ANO1: variants seen among roughly 807,000 people sequenced by gnomAD.
ANO1 encodes anoctamin 1.
A neutral mutation model predicts 124.0 loss-of-function variants in ANO1; 59 were observed. The ratio of observed to expected loss-of-function variants is 0.48; its 90% CI spans 0.39 to 0.59. The LOEUF (loss-of-function observed/expected upper bound fraction) is 0.59, where lower values mean the gene tolerates loss of function less well. Ranked by LOEUF, ANO1 falls within the 20% of genes least tolerant of loss-of-function variation. The pLI is 0.00. For missense variants in ANO1, 1,059 were observed against 1,328.0 expected (o/e 0.80, Z 3.15); for synonymous variants, 529 against 532.0 (o/e 0.99, Z 0.08).
At chr11:70,038,620 C>T (rs1454274197) in intron 1 of ANO1, among the ~76,000 whole-genome samples, 2 of 152,176 alleles carry the variant, frequency 1.3e-5, no homozygotes, top group Non-Finnish European at 2.9e-5. Flanking sequence ...GTCCTTGGTC[C>T]TCTCTTGTGG....
the ANO1 span, among the ~76,000 whole-genome samples, chr11:69,977,010 G>A: frequency 2.0e-5 from 3 of 152,248 alleles, no homozygotes; most frequent in Admixed American, 2.0e-4. Flanking sequence ...CTCGCAGTGA[G>A]TGATGAGGCC....
intron 2 of ANO1, among the ~76,000 whole-genome samples, chr11:70,090,108 G>A (rs914290467): frequency 1.3e-5 from 2 of 152,180 alleles, no homozygotes; most frequent in Non-Finnish European, 2.9e-5. Context: ...TGCAAGCTCC[G>A]CCTCCCGAGT....
intron 1 of ANO1, among the ~76,000 whole-genome samples, chr11:70,048,991 C>T (rs1174664134): frequency 3.9e-5 from 6 of 152,056 alleles, no homozygotes; most frequent in Non-Finnish European, 7.4e-5. Context: ...ATACGCTTCC[C>T]GGACAAGCAG....
chr11:70,075,012 G>C (rs925798412), upstream of ANO1: 1 of 152,258 alleles, frequency 6.6e-6, no homozygotes, highest in African/African-American at 2.4e-5. Context: ...TACAAAAGAG[G>C]AAATCTAGGC....
At chr11:69,996,129 T>TA (rs1856267428) in intron 1 of ANO1, among the ~76,000 whole-genome samples, 4 of 140,314 alleles carry the variant, frequency 2.9e-5, no homozygotes, top group African/African-American at 1.1e-4. Context: ...AACCAACCAA[T>TA]AAAAAATGAA....
At chr11:70,050,026 G>A (rs1247098604) in intron 1 of ANO1, among the ~76,000 whole-genome samples, 1 of 152,146 alleles carries the variant, frequency 6.6e-6, no homozygotes, top group African/African-American at 2.4e-5. Flanking sequence ...GCTGCTGTCT[G>A]TGTTTTAAGC....
intron 1 of ANO1, among the ~76,000 whole-genome samples, chr11:70,060,830 C>G (rs1555007650): frequency 6.6e-6 from 1 of 152,140 alleles, no homozygotes; most frequent in African/African-American, 2.4e-5. Context: ...CCTTGGATTT[C>G]AGCTGTGTGT....
At chr11:70,038,164 G>A (rs1857125406) in intron 1 of ANO1, among the ~76,000 whole-genome samples, 1 of 152,194 alleles carries the variant, frequency 6.6e-6, no homozygotes, top group Non-Finnish European at 1.5e-5. Context: ...TTCCAATGCA[G>A]CTGCTCTGAC....
At position 70,188,924 on chromosome 11, in the gene ANO1, AT is replaced by A. The variant is rs964729650; in HGVS notation, c.*928del. The A allele has an allele frequency of 6.6e-6, 1 of 151,094 alleles. No homozygotes were observed. The highest frequency in any genetic ancestry group is 1.5e-5 in the Non-Finnish European group (1 of 67,734). 9.4% of individuals were successfully genotyped at this position (151,094 alleles called of 1,614,324 possible). A position where few individuals can be genotyped will look rare whatever the true frequency, so the allele number is the denominator to read the frequency against. On this transcript the variant is annotated 3_prime_UTR_variant, in exon 26 of 26. Transcript: ENST00000355303. Reference sequence around the variant, plus strand: ...ATATCAATTATATGGTAGATTGAGGATTTTTTTTCTGTAGCTCAAAGGTGGA... The same window carrying A: ...ATATCAATTATATGGTAGATTGAGGATTTTTTTCTGTAGCTCAAAGGTGGA...
At chr11:70,112,704 T>C (rs1204615096) in intron 7 of ANO1, among the ~76,000 whole-genome samples, 1 of 152,084 alleles carries the variant, frequency 6.6e-6, no homozygotes, top group Admixed American at 6.6e-5. Context: ...ACTTCAGGCG[T>C]GCACCGCTAC....
intron 1 of ANO1, among the ~76,000 whole-genome samples, chr11:70,036,288 C>T (rs1029171974): frequency 6.6e-6 from 1 of 152,198 alleles, no homozygotes; most frequent in African/African-American, 2.4e-5. Context: ...TGGCCTTTTC[C>T]TCTTCTACCT....
At chr11:70,186,484 G>C (rs1401481226) in intron 25 of ANO1, among the ~76,000 whole-genome samples, 2 of 152,152 alleles carry the variant, frequency 1.3e-5, no homozygotes, top group Non-Finnish European at 2.9e-5. Flanking sequence ...GGACAGACAG[G>C]AGGGCAGTGG....
intron 1 of ANO1, among the ~76,000 whole-genome samples, chr11:70,035,369 A>G (rs1857077057): frequency 6.6e-6 from 1 of 151,582 alleles, no homozygotes; most frequent in Non-Finnish European, 1.5e-5. Context: ...CTTTTCACTT[A>G]TTATGACCCT....
At chr11:70,014,830 T>G (rs1591035155) in intron 1 of ANO1, 1 of 7,378 alleles carries the variant, frequency 1.4e-4, no homozygotes, top group Non-Finnish European at 2.6e-4. Context: ...TTTGTTTTTG[T>G]TTTTTTTTTT....
At chr11:70,010,429 G>A (rs1856581638) in intron 1 of ANO1, among the ~76,000 whole-genome samples, 1 of 151,478 alleles carries the variant, frequency 6.6e-6, no homozygotes, top group African/African-American at 2.4e-5. Flanking sequence ...CACCCCTAGG[G>A]AGGGCACAGA....
At chr11:70,177,050 AC>A (rs2048729968) in intron 22 of ANO1, among the ~76,000 whole-genome samples, 1 of 151,792 alleles carries the variant, frequency 6.6e-6, no homozygotes, top group Non-Finnish European at 1.5e-5. Flanking sequence ...AGCGAGGAAG[AC>A]CCCGCTCCCG....
chr11:70,161,090 G>A, intron 16 of ANO1, 71 bp from the exon 17 acceptor site: 1 of 1,383,846 alleles, frequency 7.2e-7, no homozygotes. Context: ...TGGACTGAGG[G>A]AGCAGATGGG....
chr11:70,111,693 CCT>C lies in ANO1; in HGVS notation c.800-11_800-10del. On this transcript the variant is annotated splice_polypyrimidine_tract_variant and intron_variant, in intron 6 of 25. Transcript: ENST00000355303. ...CGCCTGCCCCATAACCTTCTCTCTG[CCT>C]CTGTTTTTAAGGCATCACGAGCCTG... 6.2e-7 allele frequency: 1 copy of C among 1,613,962 alleles called. No homozygotes were observed. The highest frequency in any genetic ancestry group is 8.5e-7 in the Non-Finnish European group (1 of 1,179,814).
intron 1 of ANO1, among the ~76,000 whole-genome samples, chr11:70,024,416 C>T (rs1166294988): frequency 6.6e-5 from 10 of 152,106 alleles, no homozygotes; most frequent in African/African-American, 1.2e-4. Context: ...GAGTGAGTGC[C>T]GGGCAGAAGA....
Sources: allele counts gnomAD v4.1 joint callset (sites outside exome capture counted in the v4.1 genomes callset), GRCh38; gene constraint gnomAD v4.1.1; transcripts MANE v1.5; gene names NCBI Gene and HGNC (gene_info 2026-07-23, HGNC 2026-07-21).